PPIP5K2: variants seen among roughly 807,000 people sequenced by gnomAD.
PPIP5K2 encodes the protein inositol hexakisphosphate and diphosphoinositol-pentakisphosphate kinase 2.
PPIP5K2 carries 105 observed loss-of-function variants against 154.6 expected under a neutral mutation model. The ratio of observed to expected loss-of-function variants is 0.68; its 90% CI spans 0.58 to 0.80. The LOEUF (loss-of-function observed/expected upper bound fraction) is 0.80. Ranked by LOEUF, PPIP5K2 falls within the 30% of genes least tolerant of loss-of-function variation. The pLI is 0.00. For missense variants in PPIP5K2, 992 were observed against 1,504.6 expected, an observed-to-expected ratio of 0.66 and a Z score of 5.64; for synonymous variants, 480 against 490.3, an observed-to-expected ratio of 0.98 and a Z score of 0.28.
intron 2 of PPIP5K2, among the ~76,000 whole-genome samples, chr5:103,132,799 T>C (rs782093524): frequency 1.6e-4 from 24 of 152,222 alleles, no homozygotes; most frequent in Admixed American, 2.6e-4. Context: ...GAGCTACTCA[T>C]AAATCAGTTT....
At chr5:103,196,398 A>C (rs1390377448) in intron 30 of PPIP5K2, among the ~76,000 whole-genome samples, 1 of 152,214 alleles carries the variant, frequency 6.6e-6, no homozygotes, top group Admixed American at 6.5e-5. Context: ...ACTAATAAGT[A>C]TGTGAAACAA....
chr5:103,211,467 C>T lies in PPIP5K2; in HGVS notation c.*9833C>T, dbSNP rs1247000095. 2 of 151,976 alleles carry T rather than the reference C, an allele frequency of 1.3e-5. No individual in the cohort carries two copies. The highest frequency in any genetic ancestry group is 4.1e-4 in the South Asian group (2 of 4,826). The allele number at this position is 151,976 out of a possible 1,614,324, so 9.4% of individuals were successfully genotyped here. On this transcript the variant is annotated 3_prime_UTR_variant, in exon 31 of 31. Transcript: ENST00000358359. ...GGAATTTGGGAGGAATTTATCTGCT[C>T]AAAAACTCTCACCTACTTACTAGAT...
intron 30 of PPIP5K2, among the ~76,000 whole-genome samples, chr5:103,195,505 C>T (rs1302809328): frequency 1.3e-5 from 2 of 152,082 alleles, no homozygotes; most frequent in Non-Finnish European, 2.9e-5. Context: ...ATTTTCATCT[C>T]TCCATTCTCA....
chr5:103,204,471 G>T lies in PPIP5K2; in HGVS notation c.*2837G>T, dbSNP rs1273112186. 1.3e-5 allele frequency: 2 copies of T among 152,092 alleles called. No homozygotes were observed. The highest frequency in any genetic ancestry group is 1.9e-4 in the East Asian group (1 of 5,184). 9.4% of individuals were successfully genotyped at this position (152,092 alleles called of 1,614,324 possible). ...GGAACATTTTTCTTTTTTAGACAAG[G>T]TCTCATTCTGTCACCCCAGCTGGAG... On this transcript the variant is annotated 3_prime_UTR_variant, in exon 31 of 31. Coordinates refer to ENST00000358359, the MANE Select transcript of PPIP5K2 (RefSeq NM_001276277.3).
At chr5:103,157,561 TGAG>T (rs1207532846) in intron 14 of PPIP5K2, among the ~76,000 whole-genome samples, 9 of 152,066 alleles carry the variant, frequency 5.9e-5, no homozygotes, top group Non-Finnish European at 1.5e-5. Flanking sequence ...GTGGATCACC[TGAG>T]GTCAAGATTT....
intron 28 of PPIP5K2, among the ~76,000 whole-genome samples, chr5:103,190,503 A>G (rs1801060458): frequency 6.6e-6 from 1 of 152,062 alleles, no homozygotes; most frequent in Non-Finnish European, 1.5e-5. Context: ...CCTATTGAAT[A>G]GACCTGACTT....
At chr5:103,162,559 C>T (rs1796467432) in intron 17 of PPIP5K2, among the ~76,000 whole-genome samples, 1 of 151,986 alleles carries the variant, frequency 6.6e-6, no homozygotes, top group Non-Finnish European at 1.5e-5. Flanking sequence ...GACTGGGTCT[C>T]ACTGTGTTGC....
In PPIP5K2 at chr5:103,167,076, A is replaced by G; in HGVS notation, c.1921-103A>G. 6.9e-6 allele frequency: 6 copies of G among 872,172 alleles called. No homozygotes were observed. In the South Asian group the frequency reaches 1.6e-4, roughly 23 times the overall value. The allele number at this position is 872,172 out of a possible 1,614,324, so 54.0% of individuals were successfully genotyped here. A position where few individuals can be genotyped will look rare whatever the true frequency, so the allele number is the denominator to read the frequency against. ...TTTTGTGGTCATTTTAATTTCTGCT[A>G]TGGAATTATTCTCCAGCTACTGGAA... On this transcript the variant is annotated intron_variant, in intron 17 of 30. Transcript: ENST00000358359.
chr5:103,186,505 CT>C, intron 27 of PPIP5K2, 66 bp downstream of exon 27: 1 of 1,593,760 alleles, frequency 6.3e-7, no homozygotes. Context: ...AGCAGTATTT[CT>C]CAAAGGCAAA....
intron 30 of PPIP5K2, among the ~76,000 whole-genome samples, chr5:103,198,585 C>A (rs1554229327): frequency 6.6e-6 from 1 of 152,058 alleles, no homozygotes; most frequent in East Asian, 1.9e-4. Context: ...AGCTCTGTTA[C>A]ATAATTAGAT....
In PPIP5K2 at chr5:103,209,426, A is replaced by G. The variant is rs1434456913; in HGVS notation, c.*7792A>G. 1 of 152,182 alleles carries G rather than the reference A, an allele frequency of 6.6e-6. No individual in the cohort carries two copies. The highest frequency in any genetic ancestry group is 1.5e-5 in the Non-Finnish European group (1 of 68,026). 9.4% of individuals were successfully genotyped at this position (152,182 alleles called of 1,614,324 possible). A position where few individuals can be genotyped will look rare whatever the true frequency, so the allele number is the denominator to read the frequency against. ...TTAAAAAAAAAAAGTATTTAAATAA[A>G]ATCAAGGATACCATCCCACCCACCT... On this transcript the variant is annotated 3_prime_UTR_variant, in exon 31 of 31. Coordinates refer to ENST00000358359, the MANE Select transcript of PPIP5K2 (RefSeq NM_001276277.3).
intron 2 of PPIP5K2, among the ~76,000 whole-genome samples, chr5:103,130,135 T>C (rs1035193158): frequency 1.3e-5 from 2 of 152,336 alleles, no homozygotes; most frequent in Admixed American, 6.5e-5. Flanking sequence ...GAACCGAAGA[T>C]ACTCATATTT....
rs1216746138 is a variant in PPIP5K2, at chr5:103,211,316, C to T, written c.*9682C>T. 1 of 151,866 alleles carries T rather than the reference C, an allele frequency of 6.6e-6. No homozygotes were observed. The highest frequency in any genetic ancestry group is 1.5e-5 in the Non-Finnish European group (1 of 67,908). The allele number at this position is 151,866 out of a possible 1,614,324, so 9.4% of individuals were successfully genotyped here. A position where few individuals can be genotyped will look rare whatever the true frequency, so the allele number is the denominator to read the frequency against. ...ACAGTTTATTATAACTCATTTTGAC[C>T]ACTCCTCCCTCAAAAAAAATTGTCC... On this transcript the variant is annotated 3_prime_UTR_variant, in exon 31 of 31. Coordinates refer to ENST00000358359, the MANE Select transcript of PPIP5K2 (RefSeq NM_001276277.3).
intron 27 of PPIP5K2, 120 bp downstream of exon 27, chr5:103,186,559 TG>T (rs782659261): frequency 7.1e-6 from 10 of 1,399,872 alleles, no homozygotes; most frequent in Non-Finnish European, 8.9e-6. Flanking sequence ...TGTCATCTTT[TG>T]CCTAAATGAC....
At chr5:103,170,857 A>T (rs1034217958) in intron 19 of PPIP5K2, among the ~76,000 whole-genome samples, 1 of 151,594 alleles carries the variant, frequency 6.6e-6, no homozygotes, top group African/African-American at 2.4e-5. Flanking sequence ...TTTTGCATAC[A>T]TAGTTCTCAA....
intron 24 of PPIP5K2, among the ~76,000 whole-genome samples, chr5:103,182,205 C>G (rs1186772281): frequency 2.6e-5 from 4 of 152,146 alleles, no homozygotes; most frequent in African/African-American, 9.7e-5. Flanking sequence ...ATTAAACCCT[C>G]TCCTCTGCCC....
chr5:103,154,053 AT>A, intron 11 of PPIP5K2, 119 bp downstream of exon 11: 1 of 647,166 alleles, frequency 1.5e-6, no homozygotes. Flanking sequence ...TCTCTTGGCC[AT>A]TTATATTTAA....
chr5:103,149,421 A>G (rs1338924047), intron 8 of PPIP5K2, 108 bp downstream of exon 8: 2 of 999,486 alleles, frequency 2.0e-6, no homozygotes, highest in Non-Finnish European at 2.9e-6. Flanking sequence ...CCGAGAAAGT[A>G]ATTAATACAT....
At chr5:103,182,810 G>A (rs908294869) in intron 24 of PPIP5K2, among the ~76,000 whole-genome samples, 8 of 151,974 alleles carry the variant, frequency 5.3e-5, no homozygotes, top group Admixed American at 5.2e-4. Context: ...GTCTCGGGTT[G>A]AAAAATTCAC....
Sources: allele counts gnomAD v4.1 joint callset (sites outside exome capture counted in the v4.1 genomes callset), GRCh38; gene constraint gnomAD v4.1.1; transcripts MANE v1.5; gene names NCBI Gene and HGNC (gene_info 2026-07-23, HGNC 2026-07-21).